The following LRP1B variants were observed in gnomAD, a reference collection of about 807,000 sequenced individuals.
The protein encoded by LRP1B is low-density lipoprotein receptor-related protein 1B.
Under a neutral mutation model 556.6 loss-of-function variants are expected in LRP1B, and 217 were observed. The ratio of observed to expected loss-of-function variants is 0.39; its 90% confidence interval spans 0.35 to 0.44. LRP1B has a LOEUF of 0.44. Among genes scored for constraint, LRP1B ranks in the 20% least tolerant of loss-of-function variants. The pLI is 1.00. For synonymous variants in LRP1B, 2,047 were observed against 1,865.8 expected (o/e 1.10, Z -2.50); for missense variants, 5,053 against 5,620.8 (o/e 0.90, Z 3.23).
At chr2:140,856,059 A>G (rs1396582284) in intron 27 of LRP1B, among the ~76,000 whole-genome samples, 1 of 152,164 alleles carries the variant, frequency 6.6e-6, no homozygotes, top group Non-Finnish European at 1.5e-5. Flanking sequence ...TATCTGGTAC[A>G]TTGTGATACT....
At chr2:142,071,998 T>C (rs1482653026) in intron 1 of LRP1B, among the ~76,000 whole-genome samples, 1 of 151,970 alleles carries the variant, frequency 6.6e-6, no homozygotes, top group Non-Finnish European at 1.5e-5. Context: ...ACCAGATATC[T>C]GGACATCTTT....
At chr2:140,895,516 A>AGCAGAACT (rs1047407190) in intron 23 of LRP1B, among the ~76,000 whole-genome samples, 9 of 152,034 alleles carry the variant, frequency 5.9e-5, no homozygotes, top group African/African-American at 2.2e-4. Context: ...CACCGGCAGG[A>AGCAGAACT]GCAGAACTCC....
Position 140,464,732 on chromosome 2 carries a change from A to G in LRP1B, c.9626-7081T>C, listed in dbSNP as rs528670571. ...GAAATGTGATAGTCTGAGCCTGACT[A>G]TAAGTACTTACTATAAGAATTATTA... On this transcript the variant is annotated intron_variant, in intron 60 of 90. Coordinates refer to ENST00000389484, the MANE Select transcript of LRP1B (RefSeq NM_018557.3). Among the ~76,000 whole-genome samples, 129 of 152,342 alleles carry G rather than the reference A, an allele frequency of 8.5e-4. 2 individuals carry two copies. Among genetic ancestry groups the G allele is most frequent in the South Asian group, 7.7e-3 (37 of 4,820 alleles).
chr2:140,293,958 A>G (rs1026080322), intron 84 of LRP1B, among the ~76,000 whole-genome samples: 1 of 152,166 alleles, frequency 6.6e-6, no homozygotes, highest in Admixed American at 6.5e-5. Context: ...TCTGACTACT[A>G]ATAGTGATAA....
intron 1 of LRP1B, among the ~76,000 whole-genome samples, chr2:141,921,350 CA>C (rs2104973801): frequency 6.6e-6 from 1 of 152,022 alleles, no homozygotes; most frequent in African/African-American, 2.4e-5. Context: ...ATTATTTGTG[CA>C]GAATATTGTC....
chr2:140,536,479 A>T (rs2105002346), intron 46 of LRP1B, 102 bp downstream of exon 46: 1 of 1,139,102 alleles, frequency 8.8e-7, no homozygotes, highest in Non-Finnish European at 1.3e-6. Flanking sequence ...GAGAGACATT[A>T]AATAAATTAT....
intron 3 of LRP1B, among the ~76,000 whole-genome samples, chr2:141,463,862 TATATATA>T (rs78173783): frequency 0.095 from 12,479 of 131,606 alleles, 615 homozygotes; most frequent in Non-Finnish European, 0.11. Context: ...AATATATAAT[TATATATA>T]ATATATATCA....
intron 2 of LRP1B, among the ~76,000 whole-genome samples, chr2:141,682,947 T>C (rs1691156831): frequency 1.3e-5 from 2 of 152,148 alleles, no homozygotes; most frequent in Non-Finnish European, 2.9e-5. Context: ...CTACTTATAA[T>C]TATTTCTAAA....
chr2:141,532,575 T>C (rs1684925201), intron 2 of LRP1B, among the ~76,000 whole-genome samples: 1 of 152,072 alleles, frequency 6.6e-6, no homozygotes, highest in Non-Finnish European at 1.5e-5. Flanking sequence ...AACAGTATTG[T>C]CATCCTCCGG....
chr2:140,858,498 T>G (rs2105135530), intron 27 of LRP1B, among the ~76,000 whole-genome samples: 1 of 65,666 alleles, frequency 1.5e-5, no homozygotes, highest in South Asian at 7.0e-4. Flanking sequence ...ATTTTATATA[T>G]ATGGAGAGAG....
chr2:141,011,103 A>G (rs1250091094), intron 14 of LRP1B, among the ~76,000 whole-genome samples: 1 of 139,936 alleles, frequency 7.1e-6, no homozygotes, highest in Non-Finnish European at 1.6e-5. Flanking sequence ...GAGAGACTGT[A>G]TGGTTATATA....
intron 3 of LRP1B, among the ~76,000 whole-genome samples, chr2:141,274,044 T>C (rs756261874): frequency 2.6e-5 from 4 of 152,164 alleles, no homozygotes; most frequent in Non-Finnish European, 4.4e-5. Flanking sequence ...GTGGTTATAA[T>C]CATAGTGACA....
chr2:140,853,309 T>C (rs1692517364), intron 27 of LRP1B, among the ~76,000 whole-genome samples: 2 of 152,166 alleles, frequency 1.3e-5, no homozygotes, highest in African/African-American at 4.8e-5. Flanking sequence ...CCCAGTTTAT[T>C]ACCATTAGAT....
chr2:141,253,237 G>C (rs1196170319), intron 4 of LRP1B, among the ~76,000 whole-genome samples: 2 of 152,100 alleles, frequency 1.3e-5, no homozygotes, highest in Non-Finnish European at 2.9e-5. Flanking sequence ...TGATTATGAG[G>C]CATCTACCGT....
At chr2:140,695,226 C>T (rs781749598) in intron 41 of LRP1B, among the ~76,000 whole-genome samples, 6 of 151,956 alleles carry the variant, frequency 3.9e-5, no homozygotes, top group Non-Finnish European at 5.9e-5. Context: ...TGAGCCTCTG[C>T]GTCTTAAACT....
chr2:141,207,352 A>T (rs1682331693), intron 6 of LRP1B, among the ~76,000 whole-genome samples: 4 of 152,212 alleles, frequency 2.6e-5, no homozygotes, highest in Admixed American at 2.6e-4. Flanking sequence ...CACAACTCCA[A>T]ACAAATAATC....
At chr2:141,723,591 C>G (rs1159713864) in intron 2 of LRP1B, among the ~76,000 whole-genome samples, 1 of 151,596 alleles carries the variant, frequency 6.6e-6, no homozygotes, top group African/African-American at 2.4e-5. Context: ...TTTGAGGTAA[C>G]TGTATATGTT....
intron 25 of LRP1B, among the ~76,000 whole-genome samples, chr2:140,872,566 C>T (rs1022351499): frequency 6.6e-6 from 1 of 151,598 alleles, no homozygotes. Context: ...GGTCTCTACC[C>T]AGAGTTCAAA....
At chr2:141,566,786 G>A (rs1686346875) in intron 2 of LRP1B, among the ~76,000 whole-genome samples, 1 of 152,004 alleles carries the variant, frequency 6.6e-6, no homozygotes, top group Admixed American at 6.6e-5. Context: ...TTGAGCCCAG[G>A]TGTTTGAGGC....
Sources: allele counts gnomAD v4.1 joint callset (sites outside exome capture counted in the v4.1 genomes callset), GRCh38; gene constraint gnomAD v4.1.1; transcripts MANE v1.5; gene names NCBI Gene and HGNC (gene_info 2026-07-23, HGNC 2026-07-21).